Variants in POLD3 observed in about 807,000 individuals in gnomAD.
The protein encoded by POLD3 is DNA polymerase delta subunit 3.
POLD3 carries 19 observed loss-of-function variants against 58.2 expected under a neutral mutation model. The observed-to-expected ratio is 0.33, with a 90% CI of 0.23 to 0.48. POLD3 has a LOEUF of 0.48. Ranked by LOEUF, POLD3 falls within the 20% of genes least tolerant of loss-of-function variation. The probability of loss-of-function intolerance (pLI) is 0.99; values close to 1 mark genes in which losing one functional copy is unlikely to be tolerated. For missense variants in POLD3, 504 were observed against 545.5 expected, an observed-to-expected ratio of 0.92 and a Z score of 0.76; for synonymous variants, 172 against 193.5, an observed-to-expected ratio of 0.89 and a Z score of 0.92.
chr11:74,656,750 T>C (rs1017237445), intron 4 of POLD3, among the ~76,000 whole-genome samples: 2 of 117,962 alleles, frequency 1.7e-5, no homozygotes, highest in African/African-American at 7.4e-5. Context: ...CAGGGTTTTT[T>C]TTTTTTTTTT....
Position 74,640,989 on chromosome 11 carries a change from G to T in POLD3, c.*223G>T. 1 of 1,230,606 alleles carries T rather than the reference G, an allele frequency of 8.1e-7. No homozygotes were observed. 76.2% of individuals were successfully genotyped at this position (1,230,606 alleles called of 1,614,324 possible). A position where few individuals can be genotyped will look rare whatever the true frequency, so the allele number is the denominator to read the frequency against. ...GTTACCTTCTAATGACATTTAAAAAGCACAGTCTTTGACCTGTCCAGGAGA... is the reference window on the plus strand; with the variant it reads ...GTTACCTTCTAATGACATTTAAAAATCACAGTCTTTGACCTGTCCAGGAGA... On this transcript the variant is annotated 3_prime_UTR_variant, in exon 12 of 12. Transcript: ENST00000263681.
chr11:74,602,927 C>G (rs1217051857), intron 2 of POLD3, among the ~76,000 whole-genome samples: 1 of 152,240 alleles, frequency 6.6e-6, no homozygotes, highest in Admixed American at 6.5e-5. Flanking sequence ...CTGGCTCCCT[C>G]CCTCCCTGCA....
At chr11:74,593,001 T>A in intron 1 of POLD3, 1 of 1,326,356 alleles carries the variant, frequency 7.5e-7, no homozygotes, top group South Asian at 1.7e-5. Context: ...GGCCGTTGGC[T>A]GAGAGTTCTA....
At chr11:74,643,534 A>G (rs2032962806), downstream of POLD3, among the ~76,000 whole-genome samples, 1 of 152,176 alleles carries the variant, frequency 6.6e-6, no homozygotes, top group Non-Finnish European at 1.5e-5. Flanking sequence ...GATGGGTATC[A>G]AGGCAGTCTT....
chr11:74,634,553 C>A lies in POLD3; in HGVS notation c.1007-30C>A, dbSNP rs1320389633. 5.1e-6 allele frequency: 6 copies of A among 1,182,056 alleles called. No individual in the cohort carries two copies. In the South Asian group the frequency reaches 7.3e-5, roughly 14 times the overall value. 73.2% of individuals were successfully genotyped at this position (1,182,056 alleles called of 1,614,324 possible). A position where few individuals can be genotyped will look rare whatever the true frequency, so the allele number is the denominator to read the frequency against. On this transcript the variant is annotated intron_variant, in intron 9 of 11. Coordinates refer to ENST00000263681, the MANE Select transcript of POLD3 (RefSeq NM_006591.3). ...TTTATACCAGATAGTGCTTGTAGTT[C>A]TCTGATCTAAGTCCGTTTCATTATT...
intron 2 of POLD3, among the ~76,000 whole-genome samples, chr11:74,603,014 AACTT>A (rs1474301810): frequency 6.6e-6 from 1 of 152,142 alleles, no homozygotes; most frequent in African/African-American, 2.4e-5. Context: ...TGTCCTCCTT[AACTT>A]ACTTAACTTT....
At chr11:74,623,443 TATAA>T (rs1199603904) in intron 7 of POLD3, among the ~76,000 whole-genome samples, 1 of 151,884 alleles carries the variant, frequency 6.6e-6, no homozygotes, top group East Asian at 1.9e-4. Flanking sequence ...TCAAAAAATA[TATAA>T]ATAAATAAAT....
At chr11:74,613,488 G>A (rs533579540) in intron 5 of POLD3, among the ~76,000 whole-genome samples, 14 of 152,084 alleles carry the variant, frequency 9.2e-5, no homozygotes, top group African/African-American at 1.4e-4. Context: ...ACTATAATGC[G>A]TGTACATTTT....
chr11:74,669,282 G>A (rs765203352), downstream of POLD3, among the ~76,000 whole-genome samples: 1 of 152,204 alleles, frequency 6.6e-6, no homozygotes, highest in Non-Finnish European at 1.5e-5. Flanking sequence ...AAATGTAAGG[G>A]ATTATTATAA....
chr11:74,615,360 C>A (rs532855006), intron 5 of POLD3, among the ~76,000 whole-genome samples: 13 of 152,282 alleles, frequency 8.5e-5, no homozygotes, highest in African/African-American at 2.4e-4. Flanking sequence ...GGGGTTTCAG[C>A]CCCTAAGGAA....
At chr11:74,653,419 CTCT>C (rs140241143) in intron 4 of POLD3, among the ~76,000 whole-genome samples, 4,139 of 152,136 alleles carry the variant, frequency 0.027, 222 homozygotes, top group African/African-American at 0.094. Context: ...GTATAGTATA[CTCT>C]TCTTCTTATG....
intron 2 of POLD3, among the ~76,000 whole-genome samples, chr11:74,600,146 C>G (rs2031437616): frequency 6.6e-6 from 1 of 151,758 alleles, no homozygotes; most frequent in South Asian, 2.1e-4. Flanking sequence ...GGGGTTTCAC[C>G]ATGCTGGCCA....
rs868481523 is a variant in POLD3, at chr11:74,629,240, A to T, written c.923A>T (p.Asp308Val). Residue 308 changes from aspartate (D) to valine (V), a missense_variant, in exon 9 of 12, where the codon GAT becomes GTT. Coordinates refer to ENST00000263681, the MANE Select transcript of POLD3 (RefSeq NM_006591.3). ...AGGGGGAAGCGAGTAGCATTATCTG[A>T]TGATGAGACAAAGGAAACTGAAAAC... ...KKRGKRVALS[D>V]DETKETENMR... 6.2e-7 allele frequency: 1 copy of T among 1,604,924 alleles called. No homozygotes were observed. Among genetic ancestry groups the T allele is most frequent in the Middle Eastern group, 1.7e-4 (1 of 6,032 alleles).
rs1274160790 is a variant in POLD3 at position 74,620,010 on chromosome 11, C to T, written c.661-7C>T. The T allele has an allele frequency of 3.1e-6, 5 of 1,612,258 alleles. No individual in the cohort carries two copies. Among genetic ancestry groups the T allele is most frequent in the Non-Finnish European group, 3.4e-6 (4 of 1,178,350 alleles). On this transcript the variant is annotated splice_region_variant and splice_polypyrimidine_tract_variant and intron_variant, in intron 6 of 11. Transcript: ENST00000263681. ...CAAAAAATCATATGTGTTTTCTGTG[C>T]TTGTAGGCATCTGCAGCAGGCAACA... is the stretch of plus-strand genomic sequence containing the variant.
rs556502029 is a variant in POLD3 at position 74,661,301 on chromosome 11, T to C, written c.370-7476T>C. On this transcript the variant is annotated intron_variant, in intron 4 of 4. Coordinates refer to the POLD3 transcript ENST00000524752. The stretch of plus-strand genomic sequence containing the variant: ...GCATTGAAGAGTTAAGTATTCATTG[T>C]AGTCATCACAGTCTGGCCTTGTTTG... Among the ~76,000 whole-genome samples the C allele has an allele frequency of 2.6e-5, 4 of 152,336 alleles. No individual in the cohort carries two copies. In the East Asian group the frequency reaches 7.7e-4, roughly 29 times the overall value.
At position 74,641,873 on chromosome 11, in the gene POLD3, G is replaced by C. The variant is rs985355881; in HGVS notation, c.*1107G>C. The C allele has an allele frequency of 3.0e-6, 3 of 985,148 alleles. No homozygotes were observed. The highest frequency in any genetic ancestry group is 1.7e-5 in the African/African-American group (1 of 57,292). The allele number at this position is 985,148 out of a possible 1,614,324, so 61.0% of individuals were successfully genotyped here. On this transcript the variant is annotated 3_prime_UTR_variant, in exon 12 of 12. Coordinates refer to ENST00000263681, the MANE Select transcript of POLD3 (RefSeq NM_006591.3). The stretch of plus-strand genomic sequence containing the variant: ...AGAGGGAGAGACTGAATTGTTAGTA[G>C]GTCTAAACATCAAAGAAAACATTTT...
At chr11:74,603,461 G>A (rs1400028021) in intron 2 of POLD3, among the ~76,000 whole-genome samples, 1 of 152,102 alleles carries the variant, frequency 6.6e-6, no homozygotes, top group Admixed American at 6.6e-5. Context: ...AATAAACCGA[G>A]GAAAATATGT....
At position 74,612,727 on chromosome 11, in the gene POLD3, A is replaced by T. The variant is rs575451831; in HGVS notation, c.260-151A>T. 1.0e-5 allele frequency: 6 copies of T among 581,208 alleles called. No individual in the cohort carries two copies. In the African/African-American group the frequency reaches 1.1e-4, roughly 11 times the overall value. The allele number at this position is 581,208 out of a possible 1,614,324, so 36.0% of individuals were successfully genotyped here. A position where few individuals can be genotyped will look rare whatever the true frequency, so the allele number is the denominator to read the frequency against. ...GTCCCCATTGCAGACAGAAGAGTTGATGTTTCACTGTATATGTGGCTGTGT... is the reference window on the plus strand; with the variant it reads ...GTCCCCATTGCAGACAGAAGAGTTGTTGTTTCACTGTATATGTGGCTGTGT... On this transcript the variant is annotated intron_variant, in intron 4 of 11. Coordinates refer to ENST00000263681, the MANE Select transcript of POLD3 (RefSeq NM_006591.3).
downstream of POLD3, among the ~76,000 whole-genome samples, chr11:74,643,364 CT>C (rs2032960564): frequency 6.6e-6 from 1 of 152,260 alleles, no homozygotes; most frequent in Admixed American, 6.5e-5. Flanking sequence ...TGTGTATCTA[CT>C]ATGTGTCAAG....
Sources: gnomAD v4.1 joint callset for allele counts (sites outside exome capture counted in the v4.1 genomes callset) on GRCh38, gnomAD v4.1.1 for gene constraint, MANE v1.5 for transcripts, NCBI Gene and HGNC (gene_info 2026-07-23, HGNC 2026-07-21) for gene names.